TMEM163: variants seen among roughly 807,000 people sequenced by gnomAD.
TMEM163 encodes the protein transmembrane protein 163.
Under a neutral mutation model 29.3 loss-of-function variants are expected in TMEM163, and 17 were observed. That is an observed-to-expected ratio of 0.58 (90% CI 0.40 to 0.87). The LOEUF is 0.87. Among genes scored for constraint, TMEM163 ranks in the 40% least tolerant of loss-of-function variants. The pLI is 0.00. For synonymous variants in TMEM163, 157 were observed against 160.6 expected, an observed-to-expected ratio of 0.98 and a Z score of 0.17; for missense variants, 303 against 381.5, an observed-to-expected ratio of 0.79 and a Z score of 1.71.
intron 2 of TMEM163, among the ~76,000 whole-genome samples, chr2:134,662,240 C>G (rs1683771829): frequency 6.6e-6 from 1 of 152,146 alleles, no homozygotes; most frequent in African/African-American, 2.4e-5. Flanking sequence ...TGGCCTGATT[C>G]ATTACTTTTC....
chr2:134,564,916 C>G (rs758723272), intron 2 of TMEM163, among the ~76,000 whole-genome samples: 3 of 152,166 alleles, frequency 2.0e-5, no homozygotes, highest in Non-Finnish European at 4.4e-5. Context: ...AGTACAAATA[C>G]TTTTAAAAAC....
At chr2:134,467,391 T>C (rs979671608) in intron 5 of TMEM163, 3 of 152,360 alleles carry the variant, frequency 2.0e-5, no homozygotes, top group Middle Eastern at 3.4e-3. Flanking sequence ...GACACCACCT[T>C]AGCCAAGTGA....
chr2:134,673,584 T>C (rs545307474), intron 2 of TMEM163, among the ~76,000 whole-genome samples: 24 of 152,290 alleles, frequency 1.6e-4, no homozygotes, highest in Admixed American at 4.6e-4. Context: ...GATTAGCCCA[T>C]ATTTTCCAGG....
At chr2:134,642,480 G>C (rs1425985610) in intron 2 of TMEM163, among the ~76,000 whole-genome samples, 2 of 152,130 alleles carry the variant, frequency 1.3e-5, no homozygotes. Context: ...CTTAGTAACA[G>C]ATAGAACTAG....
rs73958749 is a variant in TMEM163 at position 134,487,092 on chromosome 2, G to T, written c.555+15809C>A. Among the ~76,000 whole-genome samples, 864 of 152,180 alleles carry T rather than the reference G, an allele frequency of 5.7e-3. 9 individuals are homozygous for T. The highest frequency in any genetic ancestry group is 0.02 in the African/African-American group (828 of 41,528). On this transcript the variant is annotated intron_variant, in intron 5 of 7. Coordinates refer to ENST00000281924, the MANE Select transcript of TMEM163 (RefSeq NM_030923.5). ...CTGTTACAGTAAGAACCAACAGAAG[G>T]ATATAGGATAGCACCCTTACCACCA... is the stretch of plus-strand genomic sequence containing the variant.
intron 2 of TMEM163, among the ~76,000 whole-genome samples, chr2:134,577,986 G>A (rs1039545212): frequency 2.6e-5 from 4 of 152,030 alleles, no homozygotes; most frequent in Non-Finnish European, 4.4e-5. Context: ...CAGGCTCTTG[G>A]GCATCCAGGA....
chr2:134,664,579 C>A (rs893539906), intron 2 of TMEM163, among the ~76,000 whole-genome samples: 4 of 152,140 alleles, frequency 2.6e-5, no homozygotes, highest in Admixed American at 1.3e-4. Context: ...ATCTGCTAAA[C>A]CCGAAGTATA....
intron 2 of TMEM163, among the ~76,000 whole-genome samples, chr2:134,673,037 C>T (rs1467195): frequency 0.073 from 11,055 of 152,232 alleles, 480 homozygotes; most frequent in South Asian, 0.16. Context: ...GGCATCCCAT[C>T]ACCCACAGCT....
chr2:134,598,490 G>C (rs1409707213), intron 2 of TMEM163, among the ~76,000 whole-genome samples: 1 of 152,208 alleles, frequency 6.6e-6, no homozygotes, highest in Non-Finnish European at 1.5e-5. Context: ...AGAGGCCACA[G>C]CTCTGCTTTA....
At chr2:134,470,679 A>ATGC (rs1686779594) in intron 5 of TMEM163, among the ~76,000 whole-genome samples, 1 of 152,190 alleles carries the variant, frequency 6.6e-6, no homozygotes, top group East Asian at 1.9e-4. Flanking sequence ...GAGGAACCCA[A>ATGC]GGAGGATCCA....
At chr2:134,694,138 C>A (rs986725711) in intron 2 of TMEM163, among the ~76,000 whole-genome samples, 1 of 152,204 alleles carries the variant, frequency 6.6e-6, no homozygotes, top group African/African-American at 2.4e-5. Context: ...CTGTGGGAAG[C>A]ACTTAGCACA....
chr2:134,631,481 T>C (rs1682969036), intron 2 of TMEM163, among the ~76,000 whole-genome samples: 2 of 152,016 alleles, frequency 1.3e-5, no homozygotes, highest in Admixed American at 6.5e-5. Context: ...CTTCAAGACA[T>C]TGCCAGACGT....
chr2:134,521,026 C>T (rs1357661431), intron 4 of TMEM163, among the ~76,000 whole-genome samples: 2 of 149,772 alleles, frequency 1.3e-5, no homozygotes, highest in East Asian at 4.0e-4. Flanking sequence ...TGAGAGGCAG[C>T]CTCCTTCTGT....
At chr2:134,494,107 C>T (rs1212411510) in intron 5 of TMEM163, among the ~76,000 whole-genome samples, 1 of 152,202 alleles carries the variant, frequency 6.6e-6, no homozygotes, top group East Asian at 1.9e-4. Flanking sequence ...CCGCCACACA[C>T]ACATTCTCTC....
At chr2:134,535,961 G>C (rs1680532508) in intron 4 of TMEM163, among the ~76,000 whole-genome samples, 1 of 152,144 alleles carries the variant, frequency 6.6e-6, no homozygotes, top group Non-Finnish European at 1.5e-5. Flanking sequence ...GACCTCCAGT[G>C]ATCTGCCCGC....
intron 2 of TMEM163, among the ~76,000 whole-genome samples, chr2:134,670,284 A>G (rs755869025): frequency 3.0e-4 from 46 of 152,114 alleles, no homozygotes; most frequent in Non-Finnish European, 4.7e-4. Context: ...TTTTACTTCA[A>G]GCTCTTAAGA....
At chr2:134,573,189 A>T (rs1681472782) in intron 2 of TMEM163, among the ~76,000 whole-genome samples, 1 of 152,208 alleles carries the variant, frequency 6.6e-6, no homozygotes, top group Non-Finnish European at 1.5e-5. Flanking sequence ...CCAGAAAGGC[A>T]TGAACACAGA....
At chr2:134,557,065 C>A (rs1443489197) in intron 2 of TMEM163, among the ~76,000 whole-genome samples, 1 of 152,094 alleles carries the variant, frequency 6.6e-6, no homozygotes, top group African/African-American at 2.4e-5. Context: ...GGGAGTAAAC[C>A]ATGCTGTTAC....
At chr2:134,502,294 G>A (rs1679712566) in intron 5 of TMEM163, among the ~76,000 whole-genome samples, 2 of 152,078 alleles carry the variant, frequency 1.3e-5, no homozygotes, top group African/African-American at 2.4e-5. Flanking sequence ...TGCCTGTCAC[G>A]AAGACTGCAT....
Sources: gnomAD v4.1 joint callset for allele counts (sites outside exome capture counted in the v4.1 genomes callset) on GRCh38, gnomAD v4.1.1 for gene constraint, MANE v1.5 for transcripts, NCBI Gene and HGNC (gene_info 2026-07-23, HGNC 2026-07-21) for gene names.